CD96: variants seen among roughly 807,000 people sequenced by gnomAD.
The protein encoded by CD96 is T-cell surface protein tactile.
A neutral mutation model predicts 71.3 loss-of-function variants in CD96; 70 were observed. That is an observed-to-expected ratio of 0.98 (90% CI 0.81 to 1.20). The LOEUF (loss-of-function observed/expected upper bound fraction) is 1.20. Ranked by LOEUF, CD96 falls within the 50% of genes most tolerant of loss-of-function variation. The pLI, the probability that CD96 is intolerant of heterozygous loss-of-function variation, is 0.00. For missense variants in CD96, 742 were observed against 677.5 expected, an observed-to-expected ratio of 1.10 and a Z score of -1.06; for synonymous variants, 248 against 233.0, an observed-to-expected ratio of 1.06 and a Z score of -0.59.
intron 7 of CD96, among the ~76,000 whole-genome samples, chr3:111,603,866 A>G (rs552906965): frequency 1.3e-5 from 2 of 152,318 alleles, no homozygotes; most frequent in East Asian, 1.9e-4. Context: ...CCAGACAAAT[A>G]CTTCCTGTTT....
intron 10 of CD96, among the ~76,000 whole-genome samples, chr3:111,629,917 C>T (rs1298838214): frequency 6.6e-6 from 1 of 152,096 alleles, no homozygotes; most frequent in Non-Finnish European, 1.5e-5. Context: ...GAATGACTTT[C>T]AGGTTAATAA....
intron 14 of CD96, among the ~76,000 whole-genome samples, chr3:111,658,896 G>A (rs1180517220): frequency 6.6e-6 from 1 of 152,184 alleles, no homozygotes; most frequent in Non-Finnish European, 1.5e-5. Context: ...TCTGATGCTG[G>A]CTTCAGAGAA....
intron 1 of CD96, among the ~76,000 whole-genome samples, chr3:111,543,372 C>T (rs916365089): frequency 1.7e-4 from 26 of 152,158 alleles, no homozygotes; most frequent in African/African-American, 6.3e-4. Flanking sequence ...CTCAGTCAGA[C>T]TGCTGATGGG....
Position 111,651,159 on chromosome 3 carries a change from T to C in CD96, c.*1353T>C, listed in dbSNP as rs1940058769. 6.6e-6 allele frequency: 1 copy of C among 152,152 alleles called. No homozygotes were observed. The highest frequency in any genetic ancestry group is 1.5e-5 in the Non-Finnish European group (1 of 68,012). 9.4% of individuals were successfully genotyped at this position (152,152 alleles called of 1,614,324 possible). ...AATGATTCACATGTTCAGCCAAAGT[T>C]GAGAACCATCGAGCCTGTGGAAGTT... is the stretch of plus-strand genomic sequence containing the variant. On this transcript the variant is annotated 3_prime_UTR_variant, in exon 14 of 14. Transcript: ENST00000352690.
At chr3:111,641,298 G>A (rs1349826187) in intron 12 of CD96, among the ~76,000 whole-genome samples, 1 of 152,192 alleles carries the variant, frequency 6.6e-6, no homozygotes, top group East Asian at 1.9e-4. Flanking sequence ...TAAAGGGGTG[G>A]AAAAAGGCAT....
At chr3:111,628,846 T>TTGGGAG (rs1186380001) in intron 10 of CD96, among the ~76,000 whole-genome samples, 4 of 152,232 alleles carry the variant, frequency 2.6e-5, no homozygotes, top group South Asian at 4.1e-4. Context: ...CCAGAAGAGA[T>TTGGGAG]TGGGAGCCTA....
intron 3 of CD96, chr3:111,570,640 C>G (rs921872969): frequency 1.2e-6 from 2 of 1,603,554 alleles, no homozygotes; most frequent in East Asian, 2.2e-5. Flanking sequence ...GCAGCTCACA[C>G]GTACATGGCC....
chr3:111,577,383 C>T (rs1354261942), intron 3 of CD96: 6 of 794,788 alleles, frequency 7.5e-6, no homozygotes. Context: ...CTTGCCAGTG[C>T]TGAGTGACAT....
intron 8 of CD96, 30 bp downstream of exon 8, chr3:111,606,822 T>G (rs769632649): frequency 1.7e-6 from 2 of 1,207,072 alleles, no homozygotes; most frequent in Non-Finnish European, 2.5e-6. Context: ...GAGCTATTGA[T>G]TTAACCAAGC....
chr3:111,628,982 C>T (rs1051004941), intron 10 of CD96, among the ~76,000 whole-genome samples: 1 of 152,128 alleles, frequency 6.6e-6, no homozygotes, highest in African/African-American at 2.4e-5. Flanking sequence ...GCATTACCAC[C>T]AGATCTGCTT....
At chr3:111,571,219 GGT>G (rs1935969075) in intron 3 of CD96, among the ~76,000 whole-genome samples, 1 of 50,558 alleles carries the variant, frequency 2.0e-5, no homozygotes, top group African/African-American at 7.1e-5. Flanking sequence ...TTTGGTTTTT[GGT>G]TTTTTTTTTT....
At position 111,651,101 on chromosome 3, in the gene CD96, C is replaced by T. The variant is rs1940056428; in HGVS notation, c.*1295C>T. The T allele has an allele frequency of 6.6e-6, 1 of 152,208 alleles. No homozygotes were observed. Among genetic ancestry groups the T allele is most frequent in the South Asian group, 2.1e-4 (1 of 4,834 alleles). The allele number at this position is 152,208 out of a possible 1,614,324, so 9.4% of individuals were successfully genotyped here. On this transcript the variant is annotated 3_prime_UTR_variant, in exon 14 of 14. Transcript: ENST00000352690. The stretch of plus-strand genomic sequence containing the variant: ...CTTCAGTTCAATTAAATCAGAATGT[C>T]TGAGGAGTGAGACACAGGCATCAAC...
chr3:111,646,302 G>A (rs1939824163), intron 12 of CD96, among the ~76,000 whole-genome samples: 1 of 152,108 alleles, frequency 6.6e-6, no homozygotes, highest in Non-Finnish European at 1.5e-5. Flanking sequence ...GTAAATCTCT[G>A]TGTGGTGATA....
chr3:111,590,794 G>T (rs1936939959), intron 5 of CD96, among the ~76,000 whole-genome samples: 2 of 152,186 alleles, frequency 1.3e-5, no homozygotes, highest in African/African-American at 4.8e-5. Context: ...TAATGATGTA[G>T]CATAAGAAGG....
chr3:111,560,098 G>A (rs1380164982), intron 2 of CD96, among the ~76,000 whole-genome samples: 5 of 148,590 alleles, frequency 3.4e-5, no homozygotes, highest in African/African-American at 1.2e-4. Context: ...GAGCCTATAT[G>A]TGTCTCTGCA....
intron 11 of CD96, among the ~76,000 whole-genome samples, chr3:111,637,619 C>T (rs1357208038): frequency 2.0e-5 from 3 of 152,116 alleles, no homozygotes; most frequent in Non-Finnish European, 4.4e-5. Flanking sequence ...CCTTATCAAA[C>T]ACATCGGTGT....
At chr3:111,610,687 A>G (rs1323373379) in intron 8 of CD96, among the ~76,000 whole-genome samples, 2 of 152,206 alleles carry the variant, frequency 1.3e-5, no homozygotes, top group African/African-American at 4.8e-5. Context: ...GCGCAGTTCA[A>G]GGAAGACAGG....
chr3:111,579,339 G>A (rs1307787501), intron 4 of CD96, 105 bp downstream of exon 4: 1 of 777,280 alleles, frequency 1.3e-6, no homozygotes, highest in Non-Finnish European at 2.4e-6. Context: ...CCACATGTGG[G>A]TAACAGTGCT....
intron 14 of CD96, among the ~76,000 whole-genome samples, chr3:111,663,425 G>C (rs1378493856): frequency 1.3e-5 from 2 of 152,096 alleles, no homozygotes; most frequent in African/African-American, 4.8e-5. Flanking sequence ...GTAGACAAGT[G>C]GGACCTAATT....
Sources: allele counts gnomAD v4.1 joint callset (sites outside exome capture counted in the v4.1 genomes callset), GRCh38; gene constraint gnomAD v4.1.1; transcripts MANE v1.5; gene names NCBI Gene and HGNC (gene_info 2026-07-23, HGNC 2026-07-21).